Variants in INTS6 observed in about 807,000 individuals in gnomAD.
The protein encoded by INTS6 is integrator complex subunit 6.
INTS6 carries 16 observed loss-of-function variants against 104.9 expected under a neutral mutation model. That is an observed-to-expected ratio of 0.15 (90% confidence interval 0.10 to 0.23). The LOEUF is 0.23. Ranked by LOEUF, INTS6 falls within the 10% of genes least tolerant of loss-of-function variation. The pLI is 1.00. For missense variants in INTS6, 584 were observed against 1,062.8 expected, an observed-to-expected ratio of 0.55 and a Z score of 6.26; for synonymous variants, 324 against 358.7, an observed-to-expected ratio of 0.90 and a Z score of 1.09.
rs747699645 is a variant in INTS6 at position 51,451,041 on chromosome 13, A to G, written c.323T>C (p.Ile108Thr). 1 of 1,542,074 alleles carries G rather than the reference A, an allele frequency of 6.5e-7. No individual in the cohort carries two copies. The highest frequency in any genetic ancestry group is 2.3e-5 in the East Asian group (1 of 43,256). ...LLNLNRLVTG[I>T]DNYGQGRNPF... is the part of the protein sequence containing the mutation. ...TCAACCTACCTGCCCATAGTTGTCT[A>G]TGCCAGTTACTAATCTATTTAAATT... Residue 108 changes from isoleucine to threonine, a missense_variant, in exon 3 of 18, where the codon ATA (isoleucine) becomes ACA (threonine). By Grantham distance (89) the Ile-to-Thr change is moderately conservative. This residue lies in a region of INTS6 where 70 missense variants were observed against 190.3 expected (regional missense o/e 0.37). Transcript: ENST00000311234.
At chr13:51,375,639 C>T (rs1375344775) in intron 13 of INTS6, among the ~76,000 whole-genome samples, 1 of 151,890 alleles carries the variant, frequency 6.6e-6, no homozygotes, top group Non-Finnish European at 1.5e-5. Context: ...ATGAAACTGG[C>T]CATCCAGAGT....
chr13:51,412,206 A>G (rs1252730369), intron 4 of INTS6, among the ~76,000 whole-genome samples: 1 of 152,218 alleles, frequency 6.6e-6, no homozygotes, highest in Non-Finnish European at 1.5e-5. Context: ...CATATATTTT[A>G]TACTATTGTT....
In INTS6 at chr13:51,389,418, T is replaced by C; in HGVS notation, c.640A>G (p.Arg214Gly). The C allele has an allele frequency of 6.2e-7, 1 of 1,612,562 alleles. No homozygotes were observed. Among genetic ancestry groups the C allele is most frequent in the Non-Finnish European group, 8.5e-7 (1 of 1,179,414 alleles). The change falls in exon 6 of 18, where the codon AGA (arginine) becomes GGA (glycine). Residue 214 changes from arginine to glycine, a missense_variant. This residue lies in a region of INTS6 where 144 missense variants were observed against 348.7 expected (regional missense o/e 0.41). Coordinates refer to ENST00000311234, the MANE Select transcript of INTS6 (RefSeq NM_012141.3). ...GACTCCAGACACTGATTAAGCATTC[T>C]TGGAGAACACACAGAATATGAACGG... is the stretch of plus-strand genomic sequence containing the variant. ...GGRSYSVCSP[R>G]MLNQCLESLV...
Position 51,374,365 on chromosome 13 carries a change from A to G in INTS6, c.1947T>C (p.Asn649=). ...GACGTCTTTTAGGGATCCCTTGCATATTTGGTTCTCCGGGTCGTTTATGTT... is the reference window on the plus strand; with the variant it reads ...GACGTCTTTTAGGGATCCCTTGCATGTTTGGTTCTCCGGGTCGTTTATGTT... ...QNKHKRPGEP[N]MQGIPKRRRC... The change falls in exon 15 of 18, where the codon AAT becomes AAC. Residue 649 remains asparagine, a synonymous_variant. Coordinates refer to ENST00000311234, the MANE Select transcript of INTS6 (RefSeq NM_012141.3). 5.6e-6 allele frequency: 9 copies of G among 1,613,998 alleles called. No homozygotes were observed. Among genetic ancestry groups the G allele is most frequent in the Non-Finnish European group, 7.6e-6 (9 of 1,179,978 alleles).
intron 3 of INTS6, chr13:51,441,264 T>C (rs1227801924): frequency 6.6e-6 from 1 of 152,180 alleles, no homozygotes; most frequent in Non-Finnish European, 1.5e-5. Flanking sequence ...AAACCTCTAG[T>C]ACCCCATAAT....
intron 4 of INTS6, among the ~76,000 whole-genome samples, chr13:51,423,661 A>G (rs1342353974): frequency 6.6e-6 from 1 of 152,042 alleles, no homozygotes; most frequent in Non-Finnish European, 1.5e-5. Flanking sequence ...ATCCTATTAA[A>G]AATATTCACA....
chr13:51,356,190 G>A (rs982020716), intron 3 of INTS6, among the ~76,000 whole-genome samples: 1 of 152,096 alleles, frequency 6.6e-6, no homozygotes, highest in Non-Finnish European at 1.5e-5. Flanking sequence ...AGATAGCAAA[G>A]CAATAGTCAA....
the INTS6 span, chr13:51,347,093 G>C: frequency 6.2e-7 from 1 of 1,609,108 alleles, no homozygotes; most frequent in Non-Finnish European, 8.5e-7. Flanking sequence ...TGCTCAGCTT[G>C]TGCTTGTGAG....
intron 9 of INTS6, among the ~76,000 whole-genome samples, chr13:51,382,568 C>G (rs529439661): frequency 2.0e-5 from 3 of 152,280 alleles, no homozygotes; most frequent in Non-Finnish European, 4.4e-5. Flanking sequence ...AGGCTTTTAT[C>G]AAATTATTTT....
rs1177437724 is a variant in INTS6, at chr13:51,363,037, A to G, written c.*2715T>C. On this transcript the variant is annotated 3_prime_UTR_variant, in exon 18 of 18. Coordinates refer to ENST00000311234, the MANE Select transcript of INTS6 (RefSeq NM_012141.3). ...TTAGAAAGGACACGTCAAAAAAATGAAAGATGAGAAAAAGGACAGGTTCTA... is the reference window on the plus strand; with the variant it reads ...TTAGAAAGGACACGTCAAAAAAATGGAAGATGAGAAAAAGGACAGGTTCTA... The G allele has an allele frequency of 6.6e-6, 1 of 151,988 alleles. No individual in the cohort carries two copies. The highest frequency in any genetic ancestry group is 1.5e-5 in the Non-Finnish European group (1 of 67,900). The allele number at this position is 151,988 out of a possible 1,614,324, so 9.4% of individuals were successfully genotyped here.
chr13:51,362,238 C>T lies in INTS6; in HGVS notation c.*3514G>A. 1 of 446,226 alleles carries T rather than the reference C, an allele frequency of 2.2e-6. No individual in the cohort carries two copies. The allele number at this position is 446,226 out of a possible 1,614,324, so 27.6% of individuals were successfully genotyped here. ...TCTTGCCCTTTTTTCCCTTTGTCCC[C>T]TAGCTTTCTTATCATTTTAGAGTTT... On this transcript the variant is annotated 3_prime_UTR_variant, in exon 18 of 18. Transcript: ENST00000311234.
chr13:51,410,681 A>G (rs1450098325), intron 4 of INTS6, among the ~76,000 whole-genome samples: 1 of 152,188 alleles, frequency 6.6e-6, no homozygotes, highest in Non-Finnish European at 1.5e-5. Context: ...CAGAAAACAC[A>G]AACTAAAAAG....
chr13:51,433,211 AG>A (rs1455648262), intron 3 of INTS6, among the ~76,000 whole-genome samples: 1 of 152,194 alleles, frequency 6.6e-6, no homozygotes, highest in Non-Finnish European at 1.5e-5. Context: ...TGGGAGGCCA[AG>A]GTACGCGGAT....
intron 3 of INTS6, chr13:51,440,539 CA>C (rs1004541769): frequency 6.6e-6 from 1 of 152,218 alleles, no homozygotes; most frequent in South Asian, 2.1e-4. Flanking sequence ...CTCACTCACC[CA>C]CCCAGAGCAA....
chr13:51,404,174 T>C (rs1360242920), intron 4 of INTS6, among the ~76,000 whole-genome samples: 1 of 150,330 alleles, frequency 6.7e-6, no homozygotes, highest in African/African-American at 2.5e-5. Flanking sequence ...GTTGGGAGGC[T>C]GCAGCAGGGG....
chr13:51,397,404 C>T (rs1425907189), intron 4 of INTS6, among the ~76,000 whole-genome samples: 1 of 152,168 alleles, frequency 6.6e-6, no homozygotes, highest in Non-Finnish European at 1.5e-5. Flanking sequence ...GGACAGAAGT[C>T]ATGAGTTCTT....
chr13:51,339,144 A>G, the INTS6 span, among the ~76,000 whole-genome samples: 31 of 152,336 alleles, frequency 2.0e-4, no homozygotes, highest in African/African-American at 7.2e-4. Flanking sequence ...CTCAAGTTAC[A>G]TATATAAATT....
At chr13:51,448,321 T>A (rs1220959320) in intron 3 of INTS6, 2 of 152,222 alleles carry the variant, frequency 1.3e-5, no homozygotes, top group Non-Finnish European at 2.9e-5. Flanking sequence ...AGGAAAAGAT[T>A]GACTAAAGGC....
chr13:51,334,931 TGAG>T, the INTS6 span, among the ~76,000 whole-genome samples: 1 of 139,092 alleles, frequency 7.2e-6, no homozygotes, highest in Admixed American at 8.1e-5. Flanking sequence ...TGCAGTGAGC[TGAG>T]ATCATGCCAC....
Sources: gnomAD v4.1 joint callset for allele counts (sites outside exome capture counted in the v4.1 genomes callset) on GRCh38, gnomAD v4.1.1 for gene constraint, gnomAD v4.1.1 regional missense constraint, MANE v1.5 for transcripts, NCBI Gene and HGNC (gene_info 2026-07-23, HGNC 2026-07-21) for gene names.